FBXL17: variants seen among roughly 807,000 people sequenced by gnomAD.
FBXL17 encodes F-box/LRR-repeat protein 17.
FBXL17 carries 22 observed loss-of-function variants against 66.2 expected under a neutral mutation model. The ratio of observed to expected loss-of-function variants is 0.33; its 90% CI spans 0.24 to 0.47. The LOEUF is 0.47. Ranked by LOEUF, FBXL17 falls within the 20% of genes least tolerant of loss-of-function variation. The pLI, the probability that FBXL17 is intolerant of heterozygous loss-of-function variation, is 1.00. For missense variants in FBXL17, 878 were observed against 948.2 expected (o/e 0.93, Z 0.97); for synonymous variants, 474 against 400.5 (o/e 1.18, Z -2.19).
chr5:108,012,993 A>T (rs1313637837), intron 7 of FBXL17, among the ~76,000 whole-genome samples: 1 of 140,310 alleles, frequency 7.1e-6, no homozygotes, highest in African/African-American at 2.6e-5. Context: ...CAGTCTGGGT[A>T]ACAAGAGCGA....
chr5:107,881,606 G>T (rs561843069), intron 7 of FBXL17, among the ~76,000 whole-genome samples: 1 of 152,266 alleles, frequency 6.6e-6, no homozygotes, highest in South Asian at 2.1e-4. Flanking sequence ...TATACTGCAA[G>T]TGAATGTCTT....
At chr5:108,222,950 AGGAGTGATCC>A (rs1341434217) in intron 5 of FBXL17, among the ~76,000 whole-genome samples, 27 of 152,244 alleles carry the variant, frequency 1.8e-4, no homozygotes, top group Admixed American at 1.8e-3. Flanking sequence ...CTGGGATTAC[AGGAGTGATCC>A]ATTGTGCCTG....
At chr5:107,880,885 C>T in intron 8 of FBXL17, 152 bp downstream of exon 8, 2 of 1,416,628 alleles carry the variant, frequency 1.4e-6, no homozygotes, top group Non-Finnish European at 1.8e-6. Context: ...AGCAGGCAAA[C>T]AATGCATAGC....
intron 6 of FBXL17, among the ~76,000 whole-genome samples, chr5:108,074,130 C>T (rs768858736): frequency 2.6e-5 from 4 of 152,134 alleles, no homozygotes; most frequent in Admixed American, 6.5e-5. Flanking sequence ...CACTGGGGGA[C>T]TGTGATGCTC....
At chr5:108,173,557 A>C (rs1170502248) in intron 6 of FBXL17, among the ~76,000 whole-genome samples, 1 of 152,214 alleles carries the variant, frequency 6.6e-6, no homozygotes, top group Non-Finnish European at 1.5e-5. Flanking sequence ...TTCCTTTAAC[A>C]CGTGTTTCTC....
intron 7 of FBXL17, among the ~76,000 whole-genome samples, chr5:107,967,149 G>C (rs1752174330): frequency 1.3e-5 from 2 of 152,130 alleles, no homozygotes; most frequent in South Asian, 2.1e-4. Context: ...GTCCTTGTGA[G>C]TTAGGATTTC....
chr5:108,299,081 T>C, intron 4 of FBXL17: 2 of 975,420 alleles, frequency 2.1e-6, no homozygotes, highest in Non-Finnish European at 2.4e-6. Flanking sequence ...AAATGTTTAC[T>C]GCTATTTTAA....
intron 7 of FBXL17, among the ~76,000 whole-genome samples, chr5:107,908,087 C>T (rs1749823781): frequency 6.6e-6 from 1 of 152,126 alleles, no homozygotes; most frequent in South Asian, 2.1e-4. Context: ...AAATGTGGCA[C>T]ATATACACCA....
chr5:108,024,812 C>CAA (rs1477849780), intron 6 of FBXL17, among the ~76,000 whole-genome samples: 1 of 152,032 alleles, frequency 6.6e-6, no homozygotes, highest in Non-Finnish European at 1.5e-5. Context: ...ATATGAAAAG[C>CAA]AACAGAAAGG....
chr5:108,105,145 T>G (rs1225084389), intron 6 of FBXL17, among the ~76,000 whole-genome samples: 1 of 151,914 alleles, frequency 6.6e-6, no homozygotes, highest in Non-Finnish European at 1.5e-5. Flanking sequence ...CTGGCCGTGA[T>G]TTTTTTAATG....
intron 4 of FBXL17, among the ~76,000 whole-genome samples, chr5:108,226,153 T>C (rs1484676810): frequency 6.6e-6 from 1 of 152,126 alleles, no homozygotes; most frequent in African/African-American, 2.4e-5. Context: ...AGTTTGTCAC[T>C]CTTCCCCTCT....
chr5:108,295,828 C>G (rs1185878578), intron 4 of FBXL17, among the ~76,000 whole-genome samples: 1 of 151,836 alleles, frequency 6.6e-6, no homozygotes, highest in African/African-American at 2.4e-5. Flanking sequence ...TTAAGGTCAA[C>G]TGGAACAAGA....
intron 6 of FBXL17, among the ~76,000 whole-genome samples, chr5:108,120,877 T>G (rs1028064692): frequency 6.6e-6 from 1 of 152,172 alleles, no homozygotes; most frequent in Non-Finnish European, 1.5e-5. Flanking sequence ...CAAATACTGA[T>G]TGAATGAATG....
At chr5:107,930,604 G>A (rs981967646) in intron 7 of FBXL17, among the ~76,000 whole-genome samples, 1 of 152,208 alleles carries the variant, frequency 6.6e-6, no homozygotes, top group Non-Finnish European at 1.5e-5. Context: ...TTACGTGGCA[G>A]CCCCAGTGCC....
chr5:108,210,481 A>C (rs1291968640), intron 5 of FBXL17, among the ~76,000 whole-genome samples: 2 of 152,160 alleles, frequency 1.3e-5, no homozygotes, highest in Admixed American at 1.3e-4. Context: ...CACTGCTTTA[A>C]ATGTGTCCTA....
chr5:107,985,558 C>T (rs1752983503), intron 7 of FBXL17, among the ~76,000 whole-genome samples: 1 of 152,156 alleles, frequency 6.6e-6, no homozygotes, highest in African/African-American at 2.4e-5. Flanking sequence ...AAATTAGTCT[C>T]TTGTTTACTT....
intron 4 of FBXL17, among the ~76,000 whole-genome samples, chr5:108,322,549 C>A (rs945171898): frequency 4.0e-5 from 6 of 151,722 alleles, no homozygotes; most frequent in African/African-American, 1.5e-4. Flanking sequence ...ACTAATTATA[C>A]ATAGAGAGCA....
intron 6 of FBXL17, among the ~76,000 whole-genome samples, chr5:108,133,904 G>A (rs997793874): frequency 7.9e-5 from 12 of 152,244 alleles, no homozygotes; most frequent in Non-Finnish European, 1.0e-4. Flanking sequence ...TAGGTATTCA[G>A]TAAATACCAG....
intron 7 of FBXL17, among the ~76,000 whole-genome samples, chr5:107,896,572 A>AT (rs540374208): frequency 1.2e-3 from 187 of 152,212 alleles, no homozygotes; most frequent in African/African-American, 3.6e-3. Flanking sequence ...GTTCTTGTCT[A>AT]TTTTTTTATC....
Sources: gnomAD v4.1 joint callset for allele counts (sites outside exome capture counted in the v4.1 genomes callset) on GRCh38, gnomAD v4.1.1 for gene constraint, MANE v1.5 for transcripts, NCBI Gene and HGNC (gene_info 2026-07-23, HGNC 2026-07-21) for gene names.